Variants in SNAPC3 observed in about 807,000 individuals in gnomAD.
SNAPC3 encodes the protein small nuclear RNA activating complex polypeptide 3.
Under a neutral mutation model 47.7 loss-of-function variants are expected in SNAPC3, and 56 were observed. That is an observed-to-expected ratio of 1.18 (90% CI 0.95 to 1.47). The LOEUF is 1.47. SNAPC3 is among the 40% of genes most tolerant of loss of function. SNAPC3 has a pLI of 0.00. For missense variants in SNAPC3, 665 were observed against 511.3 expected, an observed-to-expected ratio of 1.30 and a Z score of -2.90; for synonymous variants, 235 against 189.9, an observed-to-expected ratio of 1.24 and a Z score of -1.95.
At chr9:15,424,015 T>C (rs759285862) in intron 2 of SNAPC3, 29 bp downstream of exon 2, 4 of 1,290,304 alleles carry the variant, frequency 3.1e-6, no homozygotes, top group Non-Finnish European at 4.3e-6. Flanking sequence ...TTATGACCTA[T>C]TTATTTAAAC....
intron 2 of SNAPC3, among the ~76,000 whole-genome samples, chr9:15,427,960 C>T (rs2031644107): frequency 6.6e-6 from 1 of 151,696 alleles, no homozygotes; most frequent in Non-Finnish European, 1.5e-5. Flanking sequence ...AAAATACAAA[C>T]ATTAGCTGGG....
At chr9:15,439,632 T>C (rs1205638702) in intron 3 of SNAPC3, among the ~76,000 whole-genome samples, 1 of 152,154 alleles carries the variant, frequency 6.6e-6, no homozygotes, top group African/African-American at 2.4e-5. Context: ...CCTCCTGGGT[T>C]CAAGTGAATC....
chr9:15,443,001 T>G (rs2033620372), intron 3 of SNAPC3, among the ~76,000 whole-genome samples: 1 of 152,084 alleles, frequency 6.6e-6, no homozygotes, highest in Admixed American at 6.5e-5. Context: ...AAACCCCGTC[T>G]CCACCAAAAA....
intron 3 of SNAPC3, among the ~76,000 whole-genome samples, chr9:15,441,399 T>TTTTTTTTTTTTG: frequency 7.7e-6 from 1 of 129,306 alleles, no homozygotes; most frequent in African/African-American, 2.9e-5. Flanking sequence ...TTTTTTTTTT[T>TTTTTTTTTTTTG]TTTTTTTTAG....
At chr9:15,439,223 C>G (rs1408327180) in intron 3 of SNAPC3, among the ~76,000 whole-genome samples, 1 of 152,216 alleles carries the variant, frequency 6.6e-6, no homozygotes. Context: ...GTTGCCCAGG[C>G]TGGTCTTGAA....
chr9:15,442,738 G>C (rs1271689626), intron 3 of SNAPC3, among the ~76,000 whole-genome samples: 1 of 152,186 alleles, frequency 6.6e-6, no homozygotes, highest in African/African-American at 2.4e-5. Flanking sequence ...GGGCAGCCAG[G>C]CAGAGACGCT....
In SNAPC3 at chr9:15,422,909, G is replaced by C. The variant is rs772520903; in HGVS notation, c.30G>C (p.Thr10=). The change falls in exon 1 of 9, where the codon ACG becomes ACC. Residue 10 remains threonine (T), a synonymous_variant. Coordinates refer to ENST00000380821, the MANE Select transcript of SNAPC3 (RefSeq NM_001039697.2). ...CTGAAGGAAGCCGAGGTGGCCCTAC[G>C]TGTAGCGGGGTGGGTGGCAGGCAGG... MAEGSRGGP[T]CSGVGGRQDP... The C allele has an allele frequency of 4.6e-6, 7 of 1,535,696 alleles. No homozygotes were observed. The highest frequency in any genetic ancestry group is 5.3e-6 in the Non-Finnish European group (6 of 1,141,902).
At chr9:15,466,372 C>CT (rs2035627377), downstream of SNAPC3, among the ~76,000 whole-genome samples, 2 of 151,314 alleles carry the variant, frequency 1.3e-5, no homozygotes, top group South Asian at 4.2e-4. Context: ...GAGTGAAACT[C>CT]TGTCTCAAAG....
At chr9:15,465,776 ATCT>A (rs2035582740), downstream of SNAPC3, 1 of 513,338 alleles carries the variant, frequency 1.9e-6, no homozygotes, top group South Asian at 3.2e-5. Flanking sequence ...ACCATGTTGT[ATCT>A]TCTTCCCAAA....
chr9:15,459,487 G>C (rs1313700598), intron 8 of SNAPC3, among the ~76,000 whole-genome samples: 1 of 152,174 alleles, frequency 6.6e-6, no homozygotes, highest in Admixed American at 6.5e-5. Flanking sequence ...GTATTACAGA[G>C]AAACAGCATT....
At chr9:15,426,572 G>A (rs2031429309) in intron 2 of SNAPC3, among the ~76,000 whole-genome samples, 1 of 152,116 alleles carries the variant, frequency 6.6e-6, no homozygotes, top group Admixed American at 6.5e-5. Context: ...AGAAGACTCA[G>A]GAAGTGATTT....
chr9:15,431,884 C>CTTTTTT (rs36102225), intron 2 of SNAPC3: 108 of 98,082 alleles, frequency 1.1e-3, no homozygotes, highest in East Asian at 1.5e-3. Flanking sequence ...TAAAGCCTGT[C>CTTTTTT]TTTTTTTTTT....
In SNAPC3 at chr9:15,427,885, T is replaced by A. The variant is rs564719383; in HGVS notation, c.392+3899T>A. ...ATTTTTTAAAAAAACTTAAACAGGG[T>A]GGAGTGCTTGAGGTCAGGAGTTCAA... On this transcript the variant is annotated intron_variant, in intron 2 of 8. Transcript: ENST00000380821. Among the ~76,000 whole-genome samples the A allele has an allele frequency of 5.3e-5, 8 of 151,694 alleles. No individual in the cohort carries two copies. In the South Asian group the frequency reaches 1.3e-3, roughly 24 times the overall value.
intron 5 of SNAPC3, among the ~76,000 whole-genome samples, chr9:15,450,128 C>T (rs1283084833): frequency 6.6e-6 from 1 of 152,056 alleles, no homozygotes; most frequent in East Asian, 1.9e-4. Context: ...TGTATTGTAG[C>T]AGCTAGTCAT....
At chr9:15,465,150 A>ATG (rs1337342635), downstream of SNAPC3, 2 of 237,422 alleles carry the variant, frequency 8.4e-6, no homozygotes, top group Non-Finnish European at 1.6e-5. Flanking sequence ...CACAAAACCC[A>ATG]CAGTATTTGG....
chr9:15,435,245 A>G (rs1214620264), intron 3 of SNAPC3, among the ~76,000 whole-genome samples: 1 of 152,096 alleles, frequency 6.6e-6, no homozygotes, highest in East Asian at 1.9e-4. Context: ...TATTTTGTCC[A>G]TTTTCAAATT....
rs756710796 is a variant in SNAPC3 at position 15,447,075 on chromosome 9, A to AT, written c.583-17dup. ...TCGCTTTGTCTCTAAATGAACACTT[A>AT]TTTATTCTTTGACTTTTAGCACAAA... On this transcript the variant is annotated intron_variant, in intron 4 of 8. Coordinates refer to ENST00000380821, the MANE Select transcript of SNAPC3 (RefSeq NM_001039697.2). 7.5e-6 allele frequency: 12 copies of AT among 1,610,234 alleles called. No individual in the cohort carries two copies. The highest frequency in any genetic ancestry group is 1.7e-5 in the Admixed American group (1 of 59,986).
At chr9:15,455,569 GAAA>G (rs576802191) in intron 7 of SNAPC3, among the ~76,000 whole-genome samples, 1 of 148,978 alleles carries the variant, frequency 6.7e-6, no homozygotes, top group Non-Finnish European at 1.5e-5. Flanking sequence ...TGTATCAAAA[GAAA>G]AAAAAAATTA....
rs150599730 is a variant in SNAPC3 at position 15,432,671 on chromosome 9, T to C, written c.393-881T>C. 2.6e-4 allele frequency among the ~76,000 whole-genome samples: 39 copies of C among 152,342 alleles called. No individual in the cohort carries two copies. The East Asian group carries it at 7.5e-3, about 29-fold the overall frequency. On this transcript the variant is annotated intron_variant, in intron 2 of 8. Coordinates refer to ENST00000380821, the MANE Select transcript of SNAPC3 (RefSeq NM_001039697.2). The stretch of plus-strand genomic sequence containing the variant: ...AATAAAACAATTATCTGTAGGTTCA[T>C]ACTAATAGAAATGATGAAATAAACA...
Sources: allele counts gnomAD v4.1 joint callset (sites outside exome capture counted in the v4.1 genomes callset), GRCh38; gene constraint gnomAD v4.1.1; transcripts MANE v1.5; gene names NCBI Gene and HGNC (gene_info 2026-07-23, HGNC 2026-07-21).